Variants in CCDC91 observed in about 807,000 individuals in gnomAD.
CCDC91 encodes coiled-coil domain containing 91.
In CCDC91, 48 loss-of-function variants were observed where a neutral mutation model predicts 63.2. The ratio of observed to expected loss-of-function variants is 0.76; its 90% confidence interval spans 0.60 to 0.97. CCDC91 has a LOEUF of 0.97. CCDC91 is among the 50% of genes least tolerant of loss of function. CCDC91 has a pLI of 0.00. For synonymous variants in CCDC91, 167 were observed against 165.8 expected, an observed-to-expected ratio of 1.01 and a Z score of -0.06; for missense variants, 500 against 494.6, an observed-to-expected ratio of 1.01 and a Z score of -0.10.
chr12:28,417,618 G>GAT (rs1241652281), intron 8 of CCDC91, among the ~76,000 whole-genome samples: 31 of 47,194 alleles, frequency 6.6e-4, no homozygotes, highest in African/African-American at 1.3e-3. Context: ...GTGAACCTTT[G>GAT]AGATATATAT....
intron 1 of CCDC91, among the ~76,000 whole-genome samples, chr12:28,211,571 A>G (rs1233150920): frequency 3.3e-5 from 5 of 152,134 alleles, no homozygotes; most frequent in Non-Finnish European, 7.4e-5. Context: ...ACTTCTGTAG[A>G]TTGTTGTTCA....
chr12:28,419,190 A>AG (rs1208941458), intron 8 of CCDC91, among the ~76,000 whole-genome samples: 1 of 152,184 alleles, frequency 6.6e-6, no homozygotes, highest in Non-Finnish European at 1.5e-5. Flanking sequence ...CTCTAGTACT[A>AG]GGCCATTACA....
chr12:28,313,010 T>C (rs1236642221), intron 6 of CCDC91, among the ~76,000 whole-genome samples: 3 of 152,164 alleles, frequency 2.0e-5, no homozygotes, highest in Middle Eastern at 6.8e-3. Flanking sequence ...AGTGAATATA[T>C]ATTAAATTTC....
At chr12:28,370,950 C>T (rs1234328861) in intron 7 of CCDC91, among the ~76,000 whole-genome samples, 1 of 152,120 alleles carries the variant, frequency 6.6e-6, no homozygotes, top group Admixed American at 6.6e-5. Context: ...TCCTGCCAGG[C>T]CCTTCCCCTG....
chr12:28,307,803 C>G, intron 6 of CCDC91, 54 bp downstream of exon 6: 2 of 927,404 alleles, frequency 2.2e-6, no homozygotes. Flanking sequence ...GAAGCATGTG[C>G]TATAATTTCA....
chr12:28,328,629 CAGT>C (rs1443798255), intron 6 of CCDC91, among the ~76,000 whole-genome samples: 3 of 152,106 alleles, frequency 2.0e-5, no homozygotes, highest in African/African-American at 7.2e-5. Flanking sequence ...TGCTTAAAAG[CAGT>C]AGAATTGTTA....
intron 6 of CCDC91, among the ~76,000 whole-genome samples, chr12:28,348,205 C>A (rs1395972076): frequency 5.9e-5 from 9 of 152,150 alleles, no homozygotes; most frequent in Admixed American, 2.0e-4. Flanking sequence ...CATGTGTAGC[C>A]CTCCAGGGCT....
At chr12:28,453,940 A>T (rs946035754) in intron 11 of CCDC91, among the ~76,000 whole-genome samples, 1 of 152,128 alleles carries the variant, frequency 6.6e-6, no homozygotes, top group African/African-American at 2.4e-5. Context: ...TCCTAATGGA[A>T]AAATATATAT....
chr12:28,231,460 C>T (rs1944597610), intron 1 of CCDC91, among the ~76,000 whole-genome samples: 1 of 152,112 alleles, frequency 6.6e-6, no homozygotes, highest in African/African-American at 2.4e-5. Context: ...TGTTCCTGTT[C>T]ATTTGTGACA....
At chr12:28,508,651 G>C (rs1460449608) in intron 12 of CCDC91, among the ~76,000 whole-genome samples, 1 of 151,836 alleles carries the variant, frequency 6.6e-6, no homozygotes, top group African/African-American at 2.4e-5. Context: ...AAGTGACCAG[G>C]TGACAGTAGT....
At chr12:28,315,773 C>T (rs563728788) in intron 6 of CCDC91, among the ~76,000 whole-genome samples, 5 of 151,444 alleles carry the variant, frequency 3.3e-5, no homozygotes, top group African/African-American at 9.7e-5. Flanking sequence ...CTACATCCAC[C>T]TAGTTCTTTT....
chr12:28,268,579 C>T (rs1301648374), intron 3 of CCDC91: 6 of 672,584 alleles, frequency 8.9e-6, no homozygotes, highest in Admixed American at 6.3e-5. Flanking sequence ...TATCAGTCTC[C>T]CCTTTGGTTC....
At chr12:28,290,022 G>T (rs2136758418) in intron 3 of CCDC91, among the ~76,000 whole-genome samples, 1 of 152,152 alleles carries the variant, frequency 6.6e-6, no homozygotes, top group East Asian at 1.9e-4. Flanking sequence ...TGTCTTATCA[G>T]GTCCATTTGA....
intron 11 of CCDC91, among the ~76,000 whole-genome samples, chr12:28,475,930 T>G (rs1365318302): frequency 6.6e-6 from 1 of 151,980 alleles, no homozygotes; most frequent in Non-Finnish European, 1.5e-5. Flanking sequence ...ACTAGAAAAT[T>G]ACATTTCTGA....
intron 1 of CCDC91, among the ~76,000 whole-genome samples, chr12:28,237,783 A>T (rs1945065361): frequency 6.6e-6 from 1 of 152,214 alleles, no homozygotes; most frequent in Admixed American, 6.5e-5. Context: ...GTGTGAATAT[A>T]CATTTTTGAA....
intron 6 of CCDC91, among the ~76,000 whole-genome samples, chr12:28,317,078 T>C (rs1309757502): frequency 6.6e-6 from 1 of 152,020 alleles, no homozygotes; most frequent in African/African-American, 2.4e-5. Context: ...AGAGTTGCCA[T>C]GTCTGTCTGA....
At chr12:28,238,043 T>A (rs947091440) in intron 1 of CCDC91, among the ~76,000 whole-genome samples, 4 of 152,212 alleles carry the variant, frequency 2.6e-5, no homozygotes, top group African/African-American at 4.8e-5. Context: ...ATGTACATTC[T>A]TGGGGCGAGG....
At chr12:28,219,893 T>G (rs1943822991) in intron 1 of CCDC91, among the ~76,000 whole-genome samples, 1 of 151,624 alleles carries the variant, frequency 6.6e-6, no homozygotes, top group African/African-American at 2.4e-5. Context: ...TTTAATATTC[T>G]AATTTGTATA....
chr12:28,243,158 C>T (rs1323767745), intron 1 of CCDC91, among the ~76,000 whole-genome samples: 3 of 152,188 alleles, frequency 2.0e-5, no homozygotes, highest in East Asian at 1.9e-4. Context: ...TCCTTGGTCA[C>T]GCTGTGACTG....
Sources: gnomAD v4.1 joint callset for allele counts (sites outside exome capture counted in the v4.1 genomes callset) on GRCh38, gnomAD v4.1.1 for gene constraint, MANE v1.5 for transcripts, NCBI Gene and HGNC (gene_info 2026-07-23, HGNC 2026-07-21) for gene names.